The following ERC2 variants were observed in gnomAD, a reference collection of about 807,000 sequenced individuals.
ERC2 encodes ELKS/RAB6-interacting/CAST family member 2.
In ERC2, 42 loss-of-function variants were observed where a neutral mutation model predicts 114.8. That is an observed-to-expected ratio of 0.37 (90% CI 0.29 to 0.47). The LOEUF is 0.47. Ranked by LOEUF, ERC2 falls within the 20% of genes least tolerant of loss-of-function variation. The probability of loss-of-function intolerance (pLI) is 0.99; values close to 1 mark genes in which losing one functional copy is unlikely to be tolerated. For missense variants in ERC2, 939 were observed against 1,150.7 expected (o/e 0.82, Z 2.66); for synonymous variants, 454 against 425.5 (o/e 1.07, Z -0.82).
intron 4 of ERC2, among the ~76,000 whole-genome samples, chr3:56,151,558 G>A (rs184419282): frequency 5.9e-5 from 9 of 152,140 alleles, no homozygotes; most frequent in Non-Finnish European, 1.3e-4. Flanking sequence ...ACCAGAGAAG[G>A]ACAGAGGGAA....
In ERC2 at chr3:55,853,446, GC is replaced by G. The variant is rs1426554009; in HGVS notation, c.2564+34942del. 2.6e-5 allele frequency among the ~76,000 whole-genome samples: 4 copies of G among 152,044 alleles called. No individual in the cohort carries two copies. In the East Asian group the frequency reaches 7.7e-4, roughly 29 times the overall value. On this transcript the variant is annotated intron_variant, in intron 14 of 17. Coordinates refer to ENST00000288221, the MANE Select transcript of ERC2 (RefSeq NM_015576.3). ...AGGCTGAGAGGGGAGGATGACTTGA[GC>G]CCAGGAGGTTGAGGCTGCCATGAGT...
At chr3:56,260,620 G>A (rs2052854132) in intron 3 of ERC2, among the ~76,000 whole-genome samples, 1 of 152,150 alleles carries the variant, frequency 6.6e-6, no homozygotes, top group South Asian at 2.1e-4. Context: ...GCAGATCCAG[G>A]TTTGGCTCTG....
intron 12 of ERC2, among the ~76,000 whole-genome samples, chr3:55,958,632 G>A (rs935379982): frequency 1.3e-5 from 2 of 152,196 alleles, no homozygotes; most frequent in Non-Finnish European, 2.9e-5. Flanking sequence ...CAGCACCCCT[G>A]GCCTCCCACC....
intron 17 of ERC2, among the ~76,000 whole-genome samples, chr3:55,556,390 C>A (rs1266850113): frequency 6.6e-6 from 1 of 152,154 alleles, no homozygotes; most frequent in Non-Finnish European, 1.5e-5. Flanking sequence ...TGCTCCACAG[C>A]CCCCATTCAC....
At chr3:56,045,485 A>ATGG (rs1402789784) in intron 7 of ERC2, among the ~76,000 whole-genome samples, 2 of 152,134 alleles carry the variant, frequency 1.3e-5, no homozygotes, top group African/African-American at 4.8e-5. Flanking sequence ...CACCTCAAAG[A>ATGG]TGGATCCTAC....
intron 3 of ERC2, among the ~76,000 whole-genome samples, chr3:56,263,907 T>C (rs1012008419): frequency 1.3e-5 from 2 of 152,064 alleles, no homozygotes; most frequent in African/African-American, 4.8e-5. Context: ...AAATCCTCAA[T>C]AAAACATGAG....
chr3:55,652,249 T>C (rs982742565), intron 17 of ERC2, among the ~76,000 whole-genome samples: 1 of 152,360 alleles, frequency 6.6e-6, no homozygotes, highest in South Asian at 2.1e-4. Flanking sequence ...GCAGGTTCTG[T>C]TTCTAGTCTG....
chr3:55,710,219 C>T (rs1178804956), intron 15 of ERC2, among the ~76,000 whole-genome samples: 2 of 152,094 alleles, frequency 1.3e-5, no homozygotes, highest in Non-Finnish European at 2.9e-5. Context: ...TCTCTGTGGA[C>T]ACCCCCAGAG....
At chr3:56,117,381 T>C (rs1404294322) in intron 6 of ERC2, among the ~76,000 whole-genome samples, 1 of 152,224 alleles carries the variant, frequency 6.6e-6, no homozygotes, top group African/African-American at 2.4e-5. Flanking sequence ...TACATAATCC[T>C]CCACAGGAAA....
intron 2 of ERC2, among the ~76,000 whole-genome samples, chr3:56,345,779 C>T (rs893996767): frequency 3.3e-5 from 5 of 152,150 alleles, no homozygotes; most frequent in African/African-American, 1.2e-4. Context: ...CACATGCATG[C>T]CCACACTTAG....
intron 17 of ERC2, among the ~76,000 whole-genome samples, chr3:55,584,456 C>T (rs1282193111): frequency 6.6e-6 from 1 of 152,130 alleles, no homozygotes; most frequent in Non-Finnish European, 1.5e-5. Flanking sequence ...TTCCTCTACC[C>T]TTGCCTCGCC....
At chr3:55,577,598 G>A (rs1247098728) in intron 17 of ERC2, among the ~76,000 whole-genome samples, 1 of 152,110 alleles carries the variant, frequency 6.6e-6, no homozygotes, top group Non-Finnish European at 1.5e-5. Context: ...TTTTATAGCA[G>A]GAGGAAGAGG....
intron 17 of ERC2, among the ~76,000 whole-genome samples, chr3:55,544,294 G>C (rs557757516): frequency 6.6e-6 from 1 of 152,156 alleles, no homozygotes; most frequent in East Asian, 1.9e-4. Context: ...GAAAAGGGCT[G>C]TCCTCCCACT....
At chr3:56,165,373 C>T (rs1839953) in intron 4 of ERC2, among the ~76,000 whole-genome samples, 5 of 151,776 alleles carry the variant, frequency 3.3e-5, no homozygotes, top group Non-Finnish European at 5.9e-5. Context: ...ACAGTGTACA[C>T]GTTAGTTACA....
chr3:56,106,980 A>G (rs1291023674), intron 6 of ERC2, among the ~76,000 whole-genome samples: 1 of 152,196 alleles, frequency 6.6e-6, no homozygotes. Flanking sequence ...GGCCCAGCCA[A>G]TCGCAGCCCT....
At chr3:56,087,452 T>C (rs1055067851) in intron 6 of ERC2, among the ~76,000 whole-genome samples, 9 of 152,084 alleles carry the variant, frequency 5.9e-5, no homozygotes, top group Non-Finnish European at 2.9e-5. Flanking sequence ...CATAAGACAC[T>C]CGACCTTTCT....
intron 13 of ERC2, among the ~76,000 whole-genome samples, chr3:55,909,803 A>G (rs1353415286): frequency 6.6e-6 from 1 of 152,322 alleles, no homozygotes; most frequent in South Asian, 2.1e-4. Context: ...AACATGACAG[A>G]TGAGGTGAGG....
intron 14 of ERC2, among the ~76,000 whole-genome samples, chr3:55,825,155 C>T (rs2060276285): frequency 6.6e-6 from 1 of 152,186 alleles, no homozygotes; most frequent in Non-Finnish European, 1.5e-5. Flanking sequence ...TTCCTTGTGT[C>T]TTCATTTCAA....
At chr3:55,904,347 A>G (rs1559846507) in intron 13 of ERC2, among the ~76,000 whole-genome samples, 1 of 152,224 alleles carries the variant, frequency 6.6e-6, no homozygotes, top group Admixed American at 6.5e-5. Context: ...GCACAAGTAA[A>G]GCAAAATCAA....
Sources: allele counts gnomAD v4.1 joint callset (sites outside exome capture counted in the v4.1 genomes callset), GRCh38; gene constraint gnomAD v4.1.1; transcripts MANE v1.5; gene names NCBI Gene and HGNC (gene_info 2026-07-23, HGNC 2026-07-21).